The following OCM variants were observed in gnomAD, a reference collection of about 807,000 sequenced individuals.
The protein encoded by OCM is oncomodulin.
Under a neutral mutation model 14.1 loss-of-function variants are expected in OCM, and 18 were observed. That is an observed-to-expected ratio of 1.28 (90% CI 0.88 to 1.89). OCM has a LOEUF of 1.89. Ranked by LOEUF, OCM falls within the 40% of genes most tolerant of loss-of-function variation. The pLI, the probability that OCM is intolerant of heterozygous loss-of-function variation, is 0.00. For synonymous variants in OCM, 48 were observed against 51.0 expected, an observed-to-expected ratio of 0.94 and a Z score of 0.25; for missense variants, 140 against 137.6, an observed-to-expected ratio of 1.02 and a Z score of -0.09.
the OCM span, among the ~76,000 whole-genome samples, chr7:5,870,094 T>C: frequency 6.6e-6 from 1 of 151,520 alleles, no homozygotes; most frequent in South Asian, 2.1e-4. Context: ...GCAGAATCAT[T>C]TTTTATTTTA....
the OCM span, among the ~76,000 whole-genome samples, chr7:5,873,243 G>T: frequency 2.0e-5 from 3 of 151,996 alleles, no homozygotes; most frequent in East Asian, 5.8e-4. Flanking sequence ...GGGTATGGTG[G>T]CGCACACCTG....
chr7:5,882,840 CTTTTTTTTTT>C (rs10581848), intron 2 of OCM, among the ~76,000 whole-genome samples: 1 of 119,510 alleles, frequency 8.4e-6, no homozygotes, highest in Non-Finnish European at 1.7e-5. Flanking sequence ...TGCAAAGATT[CTTTTTTTTTT>C]TTTTTTTTTT....
chr7:5,871,724 G>A, the OCM span: 6 of 152,154 alleles, frequency 3.9e-5, no homozygotes, highest in Non-Finnish European at 8.8e-5. Context: ...AGAGGACTTG[G>A]ATTTCCTTTT....
At chr7:5,874,092 T>C in the OCM span, among the ~76,000 whole-genome samples, 2 of 150,210 alleles carry the variant, frequency 1.3e-5, no homozygotes, top group South Asian at 2.1e-4. Context: ...GTCATGGTGG[T>C]GGGCACCTGT....
chr7:5,864,042 A>AG, the OCM span, among the ~76,000 whole-genome samples: 3 of 151,820 alleles, frequency 2.0e-5, no homozygotes, highest in Non-Finnish European at 2.9e-5. Context: ...CTGGGGAACA[A>AG]GGGGGGCAAA....
upstream of OCM, among the ~76,000 whole-genome samples, chr7:5,879,052 T>C (rs2128606210): frequency 6.6e-6 from 1 of 151,980 alleles, no homozygotes; most frequent in Admixed American, 6.6e-5. Context: ...ATTTAAAAAA[T>C]TAGCCAGGCA....
At chr7:5,880,212 G>A (rs564336648), upstream of OCM, among the ~76,000 whole-genome samples, 2 of 152,216 alleles carry the variant, frequency 1.3e-5, no homozygotes, top group East Asian at 1.9e-4. Flanking sequence ...TGCATCTCTC[G>A]GGCTGCTGTA....
intron 1 of OCM, among the ~76,000 whole-genome samples, chr7:5,882,085 CAAAAAAAAAAAAAAAAAAAAAA>C (rs60321561): frequency 2.2e-5 from 1 of 45,970 alleles, no homozygotes; most frequent in Non-Finnish European, 3.6e-5. Context: ...GACTCTGTCT[CAAAAAAAAAAAAAAAAAAAAAA>C]AAAAAAAAAA....
the OCM span, among the ~76,000 whole-genome samples, chr7:5,861,413 TTC>T: frequency 6.7e-6 from 1 of 150,146 alleles, no homozygotes; most frequent in Non-Finnish European, 1.5e-5. Context: ...AAGAACGAAA[TTC>T]TGTCTTAAAA....
rs1554279892 is a variant in OCM at position 5,884,726 on chromosome 7, A to AC, written c.304+727_304+728insC. Among the ~76,000 whole-genome samples the AC allele has an allele frequency of 7.9e-5, 12 of 151,616 alleles. No individual in the cohort carries two copies. In the East Asian group the frequency reaches 2.1e-3, roughly 27 times the overall value. Reference sequence around the variant, plus strand: ...GTTAGATGCTTATTAAAAAAAAAAAAACCTGTTCAAAATTATACCACTATC... The same window carrying AC: ...GTTAGATGCTTATTAAAAAAAAAAAACACCTGTTCAAAATTATACCACTATC... On this transcript the variant is annotated intron_variant, in intron 3 of 3. Coordinates refer to ENST00000242104, the MANE Select transcript of OCM (RefSeq NM_001097622.2).
chr7:5,868,806 T>C, the OCM span, among the ~76,000 whole-genome samples: 4 of 152,090 alleles, frequency 2.6e-5, no homozygotes, highest in Non-Finnish European at 5.9e-5. Context: ...CTGATGCCTA[T>C]AATCCCAGCA....
At chr7:5,884,356 C>G (rs904388697) in intron 3 of OCM, among the ~76,000 whole-genome samples, 9 of 152,266 alleles carry the variant, frequency 5.9e-5, no homozygotes, top group Non-Finnish European at 8.8e-5. Context: ...GGGGTTTGAA[C>G]CCCTCAGAAT....
the OCM span, among the ~76,000 whole-genome samples, chr7:5,870,845 C>A: frequency 1.1e-3 from 165 of 152,222 alleles, no homozygotes; most frequent in African/African-American, 3.8e-3. Flanking sequence ...TTAACTGTCA[C>A]AACTACCACA....
chr7:5,885,455 C>G (rs1351247248), intron 3 of OCM, among the ~76,000 whole-genome samples: 1 of 152,148 alleles, frequency 6.6e-6, no homozygotes, highest in Non-Finnish European at 1.5e-5. Flanking sequence ...CATGCATTAT[C>G]AGGGAGAAAT....
the OCM span, among the ~76,000 whole-genome samples, chr7:5,860,819 T>C: frequency 6.8e-6 from 1 of 146,126 alleles, no homozygotes; most frequent in African/African-American, 2.6e-5. Flanking sequence ...CACACATACA[T>C]ATATATACAC....
chr7:5,884,266 G>A (rs546085776), intron 3 of OCM, among the ~76,000 whole-genome samples: 1 of 152,226 alleles, frequency 6.6e-6, no homozygotes, highest in African/African-American at 2.4e-5. Flanking sequence ...CTGACTAGGG[G>A]ACTAGCTAGC....
the OCM span, among the ~76,000 whole-genome samples, chr7:5,865,561 G>A: frequency 6.6e-6 from 1 of 152,124 alleles, no homozygotes; most frequent in Admixed American, 6.6e-5. Context: ...TGTCAGCCAA[G>A]GTGTTTTTTT....
chr7:5,879,068 G>T (rs145984663), upstream of OCM, among the ~76,000 whole-genome samples: 790 of 152,128 alleles, frequency 5.2e-3, 5 homozygotes, highest in African/African-American at 0.018. Flanking sequence ...AGGCATGGTG[G>T]TGTGTGCCTG....
At chr7:5,879,196 G>C (rs1237629306), upstream of OCM, among the ~76,000 whole-genome samples, 1 of 152,172 alleles carries the variant, frequency 6.6e-6, no homozygotes, top group African/African-American at 2.4e-5. Flanking sequence ...GCAAGACCCT[G>C]TCACAACAGA....
Sources: allele counts gnomAD v4.1 joint callset (sites outside exome capture counted in the v4.1 genomes callset), GRCh38; gene constraint gnomAD v4.1.1; transcripts MANE v1.5; gene names NCBI Gene and HGNC (gene_info 2026-07-23, HGNC 2026-07-21).